The following CIMAP1D variants were observed in gnomAD, a reference collection of about 807,000 sequenced individuals.
The protein encoded by CIMAP1D is CIMAP1 family member D.
chr19:491,113 C>A, the CIMAP1D span, among the ~76,000 whole-genome samples: 1 of 144,866 alleles, frequency 6.9e-6, no homozygotes, highest in Non-Finnish European at 1.5e-5. Context: ...AAAAAAAAGT[C>A]TACAAATACA....
At chr19:488,057 CCT>C in the CIMAP1D span, among the ~76,000 whole-genome samples, 2 of 152,152 alleles carry the variant, frequency 1.3e-5, no homozygotes, top group Admixed American at 6.6e-5. Flanking sequence ...ACGCGGACCC[CCT>C]GAGAGTTGTG....
At chr19:484,390 C>T in the CIMAP1D span, among the ~76,000 whole-genome samples, 65 of 152,216 alleles carry the variant, frequency 4.3e-4, no homozygotes, top group African/African-American at 1.5e-3. Context: ...ATCCGCCCGC[C>T]TTGGCCTCCT....
the CIMAP1D span, chr19:490,198 A>C: frequency 3.0e-6 from 1 of 330,826 alleles, no homozygotes; most frequent in Non-Finnish European, 5.4e-6. Flanking sequence ...TCTACTAAAA[A>C]TACAAAAATT....
the CIMAP1D span, chr19:472,383 GC>G: frequency 6.9e-7 from 1 of 1,449,918 alleles, no homozygotes; most frequent in African/African-American, 1.4e-5. Context: ...CCGCCCACTC[GC>G]CCGCCTTACC....
chr19:472,288 G>T, the CIMAP1D span: 1 of 568,078 alleles, frequency 1.8e-6, no homozygotes, highest in Non-Finnish European at 2.9e-6. Context: ...GCTTCCTGCC[G>T]CACTAACTGG....
At chr19:471,399 C>T in the CIMAP1D span, among the ~76,000 whole-genome samples, 4 of 151,844 alleles carry the variant, frequency 2.6e-5, no homozygotes, top group African/African-American at 9.7e-5. Context: ...CCCCCCGCCT[C>T]GGCCTCCCAA....
chr19:465,888 GCGGGTGGATGGA>G, the CIMAP1D span, among the ~76,000 whole-genome samples: 1 of 113,180 alleles, frequency 8.8e-6, no homozygotes, highest in Non-Finnish European at 1.8e-5. Flanking sequence ...GGGTGGATGG[GCGGGTGGATGGA>G]TGGGTGGATA....
chr19:467,184 A>T, the CIMAP1D span, among the ~76,000 whole-genome samples: 1 of 133,354 alleles, frequency 7.5e-6, no homozygotes, highest in Non-Finnish European at 1.6e-5. Flanking sequence ...GGATGAATGG[A>T]TGGACGGGTG....
chr19:488,593 C>A, the CIMAP1D span, among the ~76,000 whole-genome samples: 1 of 152,186 alleles, frequency 6.6e-6, no homozygotes. Context: ...GACTGACGTC[C>A]GGGTACCCCC....
the CIMAP1D span, among the ~76,000 whole-genome samples, chr19:480,359 G>C: frequency 1.3e-5 from 2 of 152,234 alleles, no homozygotes; most frequent in African/African-American, 2.4e-5. Context: ...AGCGCCCTCT[G>C]GTGACATCTG....
chr19:483,707 C>T, the CIMAP1D span, among the ~76,000 whole-genome samples: 1 of 152,218 alleles, frequency 6.6e-6, no homozygotes, highest in African/African-American at 2.4e-5. Flanking sequence ...GCGGAAGACC[C>T]TGCAGCAGAG....
chr19:474,331 C>T, the CIMAP1D span, among the ~76,000 whole-genome samples: 7 of 152,346 alleles, frequency 4.6e-5, no homozygotes, highest in East Asian at 3.9e-4. Flanking sequence ...CTCCTCCCCG[C>T]GTCTCCCGCA....
the CIMAP1D span, among the ~76,000 whole-genome samples, chr19:478,592 C>A: frequency 6.6e-6 from 1 of 152,264 alleles, no homozygotes; most frequent in African/African-American, 2.4e-5. Flanking sequence ...GAGCTTGTCG[C>A]AACTGCCAAG....
the CIMAP1D span, among the ~76,000 whole-genome samples, chr19:486,225 G>A: frequency 2.0e-5 from 3 of 152,144 alleles, no homozygotes; most frequent in Non-Finnish European, 4.4e-5. Context: ...CTGGAGAGGG[G>A]TCCTAGTGGG....
At chr19:481,159 T>TG in the CIMAP1D span, among the ~76,000 whole-genome samples, 3 of 49,172 alleles carry the variant, frequency 6.1e-5, no homozygotes, top group African/African-American at 1.1e-4. Context: ...GGAAGGATGA[T>TG]GGGAAGGATG....
chr19:468,322 C>T, the CIMAP1D span, among the ~76,000 whole-genome samples: 5 of 151,862 alleles, frequency 3.3e-5, no homozygotes, highest in Admixed American at 1.3e-4. Context: ...GCTGTGATCG[C>T]GCCACTGCAC....
chr19:464,313 G>A, the CIMAP1D span: 1 of 1,540,426 alleles, frequency 6.5e-7, no homozygotes, highest in Non-Finnish European at 8.7e-7. Context: ...ATGGCGCACA[G>A]GGGGCACCTT....
the CIMAP1D span, among the ~76,000 whole-genome samples, chr19:487,575 C>T: frequency 1.3e-5 from 2 of 151,580 alleles, no homozygotes; most frequent in African/African-American, 2.4e-5. Flanking sequence ...AAGGCCGAGG[C>T]GGGAGGATTG....
chr19:481,523 T>G, the CIMAP1D span, among the ~76,000 whole-genome samples: 6 of 102,442 alleles, frequency 5.9e-5, no homozygotes, highest in Non-Finnish European at 7.7e-5. Flanking sequence ...GGAAGGATGA[T>G]GGGGAAGGAT....
Sources: allele counts gnomAD v4.1 joint callset (sites outside exome capture counted in the v4.1 genomes callset), GRCh38; gene constraint gnomAD v4.1.1; transcripts MANE v1.5; gene names NCBI Gene and HGNC (gene_info 2026-07-23, HGNC 2026-07-21).